RNF38: variants seen among roughly 807,000 people sequenced by gnomAD.
RNF38 encodes the protein E3 ubiquitin-protein ligase RNF38.
A neutral mutation model predicts 67.2 loss-of-function variants in RNF38; 15 were observed. The observed-to-expected ratio is 0.22, with a 90% CI of 0.15 to 0.34. The LOEUF (loss-of-function observed/expected upper bound fraction) is 0.34. Among genes scored for constraint, RNF38 ranks in the 10% least tolerant of loss-of-function variants. RNF38 has a pLI of 1.00. For missense variants in RNF38, 524 were observed against 639.9 expected (o/e 0.82, Z 1.95); for synonymous variants, 220 against 218.8 (o/e 1.01, Z -0.05).
intron 1 of RNF38, among the ~76,000 whole-genome samples, chr9:36,470,380 G>A (rs908921046): frequency 2.2e-4 from 33 of 152,160 alleles, no homozygotes; most frequent in African/African-American, 7.0e-4. Context: ...TTCTGGGAAT[G>A]GGAAGTAGGG....
rs140355656 is a variant in RNF38, at chr9:36,357,839, T to C, written c.674A>G (p.Gln225Arg). ...GQHIPACSTQ[Q>R]VPGCSVVFSG... ...GAAAACCACAGAGCATCCTGGGACCTGCTGTGTACTACAAGCAGGGATGTG... is the reference window on the plus strand; with the variant it reads ...GAAAACCACAGAGCATCCTGGGACCCGCTGTGTACTACAAGCAGGGATGTG... Residue 225 changes from glutamine (Q) to arginine (R), a missense_variant, in exon 5 of 12, where the codon CAG becomes CGG. By Grantham distance (43) the Gln-to-Arg change is conservative (BLOSUM62 1). Around this residue, in one of 2 missense-constraint regions of RNF38, gnomAD observed 461 missense variants for 517.4 expected, o/e 0.89. Coordinates refer to ENST00000259605, the MANE Select transcript of RNF38 (RefSeq NM_022781.5). The C allele has an allele frequency of 3.1e-6, 5 of 1,613,902 alleles. No homozygotes were observed. In the African/African-American group the frequency reaches 5.3e-5, roughly 17 times the overall value.
chr9:36,460,885 C>CAAAAAAA (rs752827635), intron 1 of RNF38, among the ~76,000 whole-genome samples: 14 of 52,910 alleles, frequency 2.6e-4, no homozygotes, highest in African/African-American at 1.0e-3. Flanking sequence ...GAAACTCTCT[C>CAAAAAAA]AAAAAAAAAA....
chr9:36,439,082 C>T (rs1269761858), intron 1 of RNF38, among the ~76,000 whole-genome samples: 2 of 60,418 alleles, frequency 3.3e-5, no homozygotes, highest in African/African-American at 6.6e-5. Context: ...GCAATGAGGG[C>T]GGGGTGGGAG....
chr9:36,391,637 T>A (rs2247223), intron 1 of RNF38, among the ~76,000 whole-genome samples: 2 of 144,554 alleles, frequency 1.4e-5, no homozygotes, highest in African/African-American at 2.6e-5. Flanking sequence ...TTTTTTGAGA[T>A]GGAGTCTCGC....
intron 1 of RNF38, among the ~76,000 whole-genome samples, chr9:36,430,309 C>A (rs559119714): frequency 6.6e-6 from 1 of 152,088 alleles, no homozygotes; most frequent in South Asian, 2.1e-4. Flanking sequence ...CGGGTTCAAG[C>A]GATTCTCCTG....
intron 1 of RNF38, among the ~76,000 whole-genome samples, chr9:36,446,294 T>G (rs898330665): frequency 6.6e-6 from 1 of 152,122 alleles, no homozygotes; most frequent in African/African-American, 2.4e-5. Flanking sequence ...AGGAAACCAG[T>G]TAATATGAAG....
chr9:36,383,742 G>A (rs764272574), intron 2 of RNF38, among the ~76,000 whole-genome samples: 1 of 151,528 alleles, frequency 6.6e-6, no homozygotes, highest in Non-Finnish European at 1.5e-5. Context: ...AAGTTACCAT[G>A]TTGTTTTCAA....
chr9:36,400,355 G>A (rs1837918234), upstream of RNF38: 2 of 1,223,556 alleles, frequency 1.6e-6, no homozygotes, highest in South Asian at 2.8e-5. Flanking sequence ...GAGGGAGCGA[G>A]AGAGCGAGGC....
intron 1 of RNF38, among the ~76,000 whole-genome samples, chr9:36,434,495 C>T (rs1032914643): frequency 6.6e-6 from 1 of 152,192 alleles, no homozygotes; most frequent in Admixed American, 6.5e-5. Flanking sequence ...AGCGATTTCT[C>T]CTGCCTTAAC....
intron 1 of RNF38, among the ~76,000 whole-genome samples, chr9:36,444,707 G>A (rs1839262722): frequency 6.6e-6 from 1 of 152,026 alleles, no homozygotes; most frequent in African/African-American, 2.4e-5. Context: ...GGCTGAGGTG[G>A]GAAAATCACT....
intron 1 of RNF38, among the ~76,000 whole-genome samples, chr9:36,463,328 A>G (rs1272484045): frequency 6.6e-6 from 1 of 152,188 alleles, no homozygotes; most frequent in Non-Finnish European, 1.5e-5. Context: ...TTATGAAGTA[A>G]TAAACTGGCA....
At chr9:36,467,921 G>C (rs577573255) in intron 1 of RNF38, among the ~76,000 whole-genome samples, 1 of 152,272 alleles carries the variant, frequency 6.6e-6, no homozygotes, top group East Asian at 1.9e-4. Flanking sequence ...AGAAACCATG[G>C]GGATGGAACA....
chr9:36,377,383 G>A (rs1835867713), intron 2 of RNF38, among the ~76,000 whole-genome samples: 1 of 152,096 alleles, frequency 6.6e-6, no homozygotes, highest in Admixed American at 6.6e-5. Flanking sequence ...TTTTAAATAA[G>A]CATATAAATC....
chr9:36,435,623 G>GTTT (rs777322436), intron 1 of RNF38, among the ~76,000 whole-genome samples: 2 of 141,796 alleles, frequency 1.4e-5, no homozygotes, highest in Admixed American at 7.1e-5. Context: ...GTGAATGGAG[G>GTTT]TTTTTTTTTT....
intron 1 of RNF38, among the ~76,000 whole-genome samples, chr9:36,437,792 A>C (rs542508629): frequency 2.6e-4 from 39 of 152,364 alleles, no homozygotes; most frequent in African/African-American, 7.9e-4. Flanking sequence ...TATTAAAGAC[A>C]CAGGAAAAGT....
upstream of RNF38, among the ~76,000 whole-genome samples, chr9:36,402,729 G>A (rs753778259): frequency 5.3e-5 from 8 of 152,206 alleles, no homozygotes; most frequent in Non-Finnish European, 1.0e-4. Flanking sequence ...CTAAGCTTCA[G>A]CAAATCCCTC....
intron 1 of RNF38, among the ~76,000 whole-genome samples, chr9:36,468,021 CTGAG>C (rs1839905056): frequency 6.6e-6 from 1 of 151,988 alleles, no homozygotes; most frequent in Admixed American, 6.6e-5. Context: ...GGTGGGAAGA[CTGAG>C]TGAGCTCAGG....
chr9:36,464,189 C>G (rs900029844), intron 1 of RNF38, among the ~76,000 whole-genome samples: 1 of 149,988 alleles, frequency 6.7e-6, no homozygotes, highest in Non-Finnish European at 1.5e-5. Context: ...AAACAAAAAA[C>G]CACACAAAAA....
chr9:36,408,877 TC>T, intron 2 of RNF38, among the ~76,000 whole-genome samples: 2 of 152,256 alleles, frequency 1.3e-5, no homozygotes, highest in East Asian at 3.9e-4. Flanking sequence ...CATAAGTGCT[TC>T]AAGAAAATAA....
Sources: allele counts gnomAD v4.1 joint callset (sites outside exome capture counted in the v4.1 genomes callset), GRCh38; gene constraint gnomAD v4.1.1; regional missense constraint gnomAD v4.1.1; transcripts MANE v1.5; gene names NCBI Gene and HGNC (gene_info 2026-07-23, HGNC 2026-07-21).